The following ERC2 variants were observed in gnomAD, a reference collection of about 807,000 sequenced individuals.
ERC2 encodes the protein ELKS/RAB6-interacting/CAST family member 2.
Under a neutral mutation model 114.8 loss-of-function variants are expected in ERC2, and 42 were observed. The observed-to-expected ratio is 0.37, with a 90% confidence interval of 0.29 to 0.47. The LOEUF is 0.47. ERC2 is among the 20% of genes least tolerant of loss of function. The pLI is 0.99. For synonymous variants in ERC2, 454 were observed against 425.5 expected (o/e 1.07, Z -0.82); for missense variants, 939 against 1,150.7 (o/e 0.82, Z 2.66).
chr3:55,598,035 T>C (rs1051787141), intron 17 of ERC2, among the ~76,000 whole-genome samples: 1 of 152,232 alleles, frequency 6.6e-6, no homozygotes, highest in Admixed American at 6.5e-5. Context: ...GATTTCTGAC[T>C]GCGAGCATTA....
At chr3:55,724,490 C>A (rs958248619) in intron 15 of ERC2, among the ~76,000 whole-genome samples, 1 of 152,186 alleles carries the variant, frequency 6.6e-6, no homozygotes. Flanking sequence ...TGGTTCCACC[C>A]CTTACCAGCT....
chr3:55,686,133 C>T (rs1427561988), intron 16 of ERC2, among the ~76,000 whole-genome samples: 1 of 152,058 alleles, frequency 6.6e-6, no homozygotes, highest in Admixed American at 6.6e-5. Context: ...TACTACTGTT[C>T]CTCGTCCACC....
intron 2 of ERC2, among the ~76,000 whole-genome samples, chr3:56,361,193 G>C (rs1027124174): frequency 2.6e-5 from 4 of 152,062 alleles, no homozygotes; most frequent in Non-Finnish European, 4.4e-5. Context: ...GGTGGGTGAG[G>C]CAGCTGCTGC....
rs111838946 is a variant in ERC2 at position 56,157,746 on chromosome 3, G to GA, written c.1150-8615dup. On this transcript the variant is annotated intron_variant, in intron 4 of 17. Coordinates refer to ENST00000288221, the MANE Select transcript of ERC2 (RefSeq NM_015576.3). ...CTACATTCAACCAGTTTGTCTCATG[G>GA]AAAAAAAAAAAAAAGCAACAGGCAG... Among the ~76,000 whole-genome samples, 1,123 of 134,410 alleles carry GA rather than the reference G, an allele frequency of 8.4e-3. 13 individuals carry two copies. The highest frequency in any genetic ancestry group is 0.024 in the African/African-American group (892 of 36,654). 88.2% of individuals were successfully genotyped at this position (134,410 alleles called of 152,430 possible). A position where few individuals can be genotyped will look rare whatever the true frequency, so the allele number is the denominator to read the frequency against.
At chr3:56,452,889 T>A (rs553800632) in intron 1 of ERC2, among the ~76,000 whole-genome samples, 1 of 152,326 alleles carries the variant, frequency 6.6e-6, no homozygotes, top group African/African-American at 2.4e-5. Flanking sequence ...TAGTAAATAC[T>A]CAGTACAATC....
rs898244830 is a variant in ERC2, at chr3:55,530,675, T to A, written c.*40-19399A>T. ...TATTGGCATCAAAAGCCATACTTTC[T>A]CCATGCGTTAGGCTGGGGCCTCAAG... On this transcript the variant is annotated intron_variant, in intron 17 of 17. Coordinates refer to ENST00000288221, the MANE Select transcript of ERC2 (RefSeq NM_015576.3). Among the ~76,000 whole-genome samples, 3 of 152,208 alleles carry A rather than the reference T, an allele frequency of 2.0e-5. No homozygotes were observed. In the East Asian group the frequency reaches 5.8e-4, roughly 29 times the overall value.
chr3:56,066,985 T>A (rs2076512049), intron 7 of ERC2, among the ~76,000 whole-genome samples: 1 of 152,220 alleles, frequency 6.6e-6, no homozygotes, highest in Non-Finnish European at 1.5e-5. Context: ...AGCGGCATAA[T>A]GCCTCCAGCT....
intron 6 of ERC2, among the ~76,000 whole-genome samples, chr3:56,114,282 A>G (rs9831925): frequency 0.17 from 25,513 of 152,184 alleles, 2,298 homozygotes; most frequent in African/African-American, 0.21. Flanking sequence ...GGCATCCTGT[A>G]TGAGTAGCCT....
intron 17 of ERC2, among the ~76,000 whole-genome samples, chr3:55,591,185 T>G (rs1575685854): frequency 2.6e-5 from 1 of 39,072 alleles, no homozygotes; most frequent in Admixed American, 3.7e-4. Context: ...GTCTTTTAGC[T>G]TTTTTTTTTT....
chr3:55,625,549 A>C (rs770731446), intron 17 of ERC2, among the ~76,000 whole-genome samples: 6 of 152,080 alleles, frequency 3.9e-5, no homozygotes, highest in Admixed American at 6.5e-5. Context: ...CAGGAGATCG[A>C]GACCTTCTTG....
chr3:56,343,332 T>A (rs1444767084), intron 2 of ERC2, among the ~76,000 whole-genome samples: 1 of 151,918 alleles, frequency 6.6e-6, no homozygotes, highest in African/African-American at 2.4e-5. Flanking sequence ...TACCATTGTG[T>A]CCCCAATGCC....
At chr3:56,404,630 C>T (rs1033433827) in intron 2 of ERC2, among the ~76,000 whole-genome samples, 24 of 151,976 alleles carry the variant, frequency 1.6e-4, no homozygotes, top group East Asian at 7.7e-4. Context: ...CCATTTTACA[C>T]GTGATTATTA....
chr3:56,312,040 G>C (rs1397228598), intron 2 of ERC2, among the ~76,000 whole-genome samples: 2 of 152,138 alleles, frequency 1.3e-5, no homozygotes, highest in Non-Finnish European at 2.9e-5. Context: ...AAGTAATCTA[G>C]AGATGATTTA....
In ERC2 at chr3:56,079,874, T is replaced by C. The variant is rs1376151318; in HGVS notation, c.1641+943A>G. ...GACAAGAAAAACATCTGGAATGCTGTAGATCAACGCCAGGTGAGAAATGAT... is the reference window on the plus strand; with the variant it reads ...GACAAGAAAAACATCTGGAATGCTGCAGATCAACGCCAGGTGAGAAATGAT... On this transcript the variant is annotated intron_variant, in intron 7 of 17. Transcript: ENST00000288221. 5.3e-5 allele frequency among the ~76,000 whole-genome samples: 8 copies of C among 152,238 alleles called. No homozygotes were observed. The South Asian group carries it at 1.7e-3, about 32-fold the overall frequency.
intron 7 of ERC2, among the ~76,000 whole-genome samples, chr3:56,049,739 G>T (rs2075666528): frequency 6.6e-6 from 1 of 151,934 alleles, no homozygotes; most frequent in Non-Finnish European, 1.5e-5. Context: ...TGGCTTCCTT[G>T]CTCCTCAGCT....
chr3:56,061,389 C>A (rs1163626011), intron 7 of ERC2, among the ~76,000 whole-genome samples: 1 of 152,176 alleles, frequency 6.6e-6, no homozygotes, highest in African/African-American at 2.4e-5. Context: ...TCTCTCTGGA[C>A]TAGACTAGTC....
chr3:56,189,398 TGTG>T (rs1318371474), intron 3 of ERC2, among the ~76,000 whole-genome samples: 2 of 152,216 alleles, frequency 1.3e-5, no homozygotes, highest in African/African-American at 4.8e-5. Context: ...TGTCCTAAAA[TGTG>T]GTGTCAAGAA....
At chr3:56,036,719 C>T (rs1249476300) in intron 7 of ERC2, among the ~76,000 whole-genome samples, 1 of 152,158 alleles carries the variant, frequency 6.6e-6, no homozygotes, top group African/African-American at 2.4e-5. Context: ...AATTGTGCTA[C>T]CCTGCTCGGG....
At chr3:56,207,341 T>C (rs934826023) in intron 3 of ERC2, among the ~76,000 whole-genome samples, 1 of 152,128 alleles carries the variant, frequency 6.6e-6, no homozygotes, top group African/African-American at 2.4e-5. Flanking sequence ...TACCCACACA[T>C]TATAGAGCTA....
Sources: gnomAD v4.1 joint callset for allele counts (sites outside exome capture counted in the v4.1 genomes callset) on GRCh38, gnomAD v4.1.1 for gene constraint, MANE v1.5 for transcripts, NCBI Gene and HGNC (gene_info 2026-07-23, HGNC 2026-07-21) for gene names.